The following ROBO2 variants were observed in gnomAD, a reference collection of about 807,000 sequenced individuals.
ROBO2 encodes roundabout guidance receptor 2.
In ROBO2, 53 loss-of-function variants were observed where a neutral mutation model predicts 160.8. The observed-to-expected ratio is 0.33, with a 90% CI of 0.26 to 0.41. The LOEUF is 0.41. Ranked by LOEUF, ROBO2 falls within the 10% of genes least tolerant of loss-of-function variation. The pLI, the probability that ROBO2 is intolerant of heterozygous loss-of-function variation, is 1.00. For synonymous variants in ROBO2, 664 were observed against 611.7 expected (o/e 1.09, Z -1.26); for missense variants, 1,577 against 1,722.4 (o/e 0.92, Z 1.49).
At position 76,979,744 on chromosome 3, in the gene ROBO2, T is replaced by TACAC. The variant is rs138996245; in HGVS notation, c.110-118247_110-118244dup. On this transcript the variant is annotated intron_variant, in intron 2 of 26. Transcript: ENST00000487694. ...AGTAACATCTTCCAATTACTTTTCT[T>TACAC]ACACACACACACACACACACACACA... 2.2e-3 allele frequency among the ~76,000 whole-genome samples: 322 copies of TACAC among 147,560 alleles called. 3 individuals are homozygous for TACAC. Among genetic ancestry groups the TACAC allele is most frequent in the African/African-American group, 6.4e-3 (258 of 40,298 alleles).
chr3:77,533,851 C>G (rs2091918520), intron 6 of ROBO2, among the ~76,000 whole-genome samples: 1 of 151,628 alleles, frequency 6.6e-6, no homozygotes, highest in South Asian at 2.1e-4. Context: ...AGCCTGAGGT[C>G]ATGGGGCCTC....
intron 2 of ROBO2, among the ~76,000 whole-genome samples, chr3:76,110,033 G>A (rs183467904): frequency 2.0e-5 from 3 of 148,660 alleles, no homozygotes; most frequent in African/African-American, 5.1e-5. Flanking sequence ...ATATATATAT[G>A]TGTGTGTATA....
intron 2 of ROBO2, among the ~76,000 whole-genome samples, chr3:76,971,291 C>G (rs564575575): frequency 3.9e-5 from 6 of 152,156 alleles, no homozygotes; most frequent in African/African-American, 1.2e-4. Flanking sequence ...TCCATTAATA[C>G]AGAGAGATGA....
intron 2 of ROBO2, among the ~76,000 whole-genome samples, chr3:77,232,006 C>T (rs2087280014): frequency 6.6e-6 from 1 of 152,144 alleles, no homozygotes; most frequent in Admixed American, 6.5e-5. Context: ...ATTATACACT[C>T]TAGGTTCTCT....
intron 2 of ROBO2, among the ~76,000 whole-genome samples, chr3:76,446,879 C>T (rs1365047466): frequency 6.6e-6 from 1 of 152,140 alleles, no homozygotes; most frequent in African/African-American, 2.4e-5. Flanking sequence ...ACACCTTATA[C>T]AAAAATTAAT....
At chr3:77,483,269 C>CA (rs113717883) in intron 4 of ROBO2, among the ~76,000 whole-genome samples, 3,859 of 150,912 alleles carry the variant, frequency 0.026, 167 homozygotes, top group African/African-American at 0.08. Context: ...AAAAGAAAAA[C>CA]AAAAAAAACA....
chr3:77,522,432 T>A, intron 5 of ROBO2, among the ~76,000 whole-genome samples: 1 of 151,114 alleles, frequency 6.6e-6, no homozygotes, highest in East Asian at 2.0e-4. Context: ...ACTAATGAAA[T>A]ATAACTCACC....
chr3:76,685,832 G>A (rs1560374814), intron 2 of ROBO2, among the ~76,000 whole-genome samples: 1 of 152,086 alleles, frequency 6.6e-6, no homozygotes. Context: ...AATAATGGAG[G>A]TATTGTTTTA....
intron 2 of ROBO2, among the ~76,000 whole-genome samples, chr3:76,039,740 T>C (rs1318512485): frequency 6.6e-6 from 1 of 152,060 alleles, no homozygotes; most frequent in East Asian, 1.9e-4. Flanking sequence ...CTTACCTTGT[T>C]GAGCCTCTAT....
intron 2 of ROBO2, among the ~76,000 whole-genome samples, chr3:76,680,056 A>T (rs2166784): frequency 0.52 from 78,410 of 151,892 alleles, 20,717 homozygotes; most frequent in East Asian, 0.76. Context: ...AGGTAATTAA[A>T]GCTAAACATT....
chr3:77,146,866 T>C lies in ROBO2; in HGVS notation c.388+48526T>C, dbSNP rs536867438. Among the ~76,000 whole-genome samples the C allele has an allele frequency of 7.9e-5, 12 of 152,052 alleles. 1 individual carries two copies. The highest frequency in any genetic ancestry group is 2.7e-4 in the African/African-American group (11 of 41,500). ...GCCTGCAGTCCCAGCTACTCAGAGATTGAGGCACAAGAATCACTTGAACCC... is the reference window on the plus strand; with the variant it reads ...GCCTGCAGTCCCAGCTACTCAGAGACTGAGGCACAAGAATCACTTGAACCC... On this transcript the variant is annotated intron_variant, in intron 2 of 25. Transcript: ENST00000461745.
intron 2 of ROBO2, among the ~76,000 whole-genome samples, chr3:76,030,063 T>G (rs555130328): frequency 4.1e-4 from 62 of 152,326 alleles, no homozygotes; most frequent in African/African-American, 1.3e-3. Flanking sequence ...CCATTCTAAC[T>G]GGTGTGAGAT....
intron 2 of ROBO2, among the ~76,000 whole-genome samples, chr3:76,845,198 A>G (rs1216193376): frequency 6.6e-6 from 1 of 152,006 alleles, no homozygotes; most frequent in Non-Finnish European, 1.5e-5. Context: ...TTTGTATTTT[A>G]GAAATTGTCT....
intron 2 of ROBO2, among the ~76,000 whole-genome samples, chr3:76,132,321 A>C (rs770741074): frequency 1.0e-4 from 14 of 140,154 alleles, no homozygotes; most frequent in Non-Finnish European, 1.8e-4. Flanking sequence ...GAAGAGATTT[A>C]GTGCCCAAGG....
chr3:76,033,082 C>T (rs539679126), intron 2 of ROBO2, among the ~76,000 whole-genome samples: 44 of 133,792 alleles, frequency 3.3e-4, no homozygotes, highest in Middle Eastern at 3.6e-3. Context: ...TCCAAAACAT[C>T]GTAAAATGGA....
intron 6 of ROBO2, among the ~76,000 whole-genome samples, chr3:77,540,953 T>G (rs1006119643): frequency 6.6e-6 from 1 of 152,224 alleles, no homozygotes; most frequent in African/African-American, 2.4e-5. Context: ...AAGTGAAATT[T>G]TAACTCAAGC....
At chr3:77,627,586 T>C (rs1241341261) in intron 23 of ROBO2, among the ~76,000 whole-genome samples, 1 of 152,160 alleles carries the variant, frequency 6.6e-6, no homozygotes, top group African/African-American at 2.4e-5. Context: ...CCTTTCTCTC[T>C]GAGGCACGCA....
At chr3:77,510,571 G>C (rs2089266875) in intron 5 of ROBO2, among the ~76,000 whole-genome samples, 1 of 152,026 alleles carries the variant, frequency 6.6e-6, no homozygotes, top group Admixed American at 6.5e-5. Context: ...GAAAATGTTA[G>C]GTGACATTTA....
At chr3:76,816,024 C>T (rs185644068) in intron 2 of ROBO2, among the ~76,000 whole-genome samples, 7 of 152,192 alleles carry the variant, frequency 4.6e-5, no homozygotes, top group African/African-American at 1.7e-4. Flanking sequence ...GTATACTTTT[C>T]TCTGTTGAAG....
Sources: allele counts gnomAD v4.1 joint callset (sites outside exome capture counted in the v4.1 genomes callset), GRCh38; gene constraint gnomAD v4.1.1; transcripts MANE v1.5; gene names NCBI Gene and HGNC (gene_info 2026-07-23, HGNC 2026-07-21).